STXBP2: variants seen among roughly 807,000 people sequenced by gnomAD.
STXBP2 encodes the protein syntaxin binding protein 2.
Under a neutral mutation model 72.2 loss-of-function variants are expected in STXBP2, and 47 were observed. The ratio of observed to expected loss-of-function variants is 0.65; its 90% CI spans 0.51 to 0.83. The LOEUF is 0.83. Ranked by LOEUF, STXBP2 falls within the 40% of genes least tolerant of loss-of-function variation. STXBP2 has a pLI of 0.00. For synonymous variants in STXBP2, 367 were observed against 338.7 expected (o/e 1.08, Z -0.92); for missense variants, 702 against 807.6 (o/e 0.87, Z 1.58).
At chr19:7,633,456 A>G (rs746447594), upstream of STXBP2, 8 of 1,575,498 alleles carry the variant, frequency 5.1e-6, no homozygotes, top group Middle Eastern at 1.7e-4. Context: ...CTGATCCATC[A>G]TGTCCCTGGA....
chr19:7,633,117 C>CACACTCATCAGGCCCCAA, upstream of STXBP2: 1 of 998,642 alleles, frequency 1.0e-6, no homozygotes, highest in Non-Finnish European at 1.4e-6. Context: ...AGATTGGGGC[C>CACACTCATCAGGCCCCAA]TGATGAGTGT....
In STXBP2 at chr19:7,642,547, A is replaced by C. The variant is rs1033477720; in HGVS notation, c.902+11A>C. The C allele has an allele frequency of 3.7e-6, 6 of 1,612,958 alleles. No homozygotes were observed. The highest frequency in any genetic ancestry group is 5.1e-6 in the Non-Finnish European group (6 of 1,179,450). On this transcript the variant is annotated intron_variant, in intron 10 of 18. Transcript: ENST00000221283. This position sits in a 1 kb window ranked among gnomAD's most constrained non-coding sequence, Gnocchi z 6.0. ...CGCAGATGTGTCCAAGTGCGTGCAC[A>C]CGGGGACCGGATCCCCCCCCCACCG...
the STXBP2 span, chr19:7,631,739 G>GC: frequency 2.8e-6 from 4 of 1,448,012 alleles, no homozygotes; most frequent in Non-Finnish European, 3.6e-6. Flanking sequence ...CGGAAGCCGA[G>GC]AGCGGTCGGG....
Position 7,640,933 on chromosome 19 carries a change from G to A in STXBP2, c.359G>A (p.Arg120His), listed in dbSNP as rs777213175. The A allele has an allele frequency of 1.8e-5, 29 of 1,614,098 alleles. No homozygotes were observed. The highest frequency in any genetic ancestry group is 2.7e-5 in the African/African-American group (2 of 74,930). ...GAGCCCCTGTTCAGTGAGCTAGGCC[G>A]CTCTCGTCTGGCAAAGGTGGTGAAG... ...CPEPLFSELGRSRLAKVVKTL... is the reference protein window; with the variant it reads ...CPEPLFSELGHSRLAKVVKTL... The change falls in exon 6 of 19, where the codon CGC becomes CAC. Residue 120 changes from arginine (R) to histidine (H), a missense_variant. Physicochemically the swap from Arg to His is conservative, Grantham distance 29. Coordinates refer to ENST00000221283, the MANE Select transcript of STXBP2 (RefSeq NM_006949.4).
intron 13 of STXBP2, among the ~76,000 whole-genome samples, chr19:7,643,937 A>G (rs1354375965): frequency 2.0e-5 from 2 of 100,294 alleles, no homozygotes; most frequent in African/African-American, 3.9e-5. Flanking sequence ...GCTGGGAGAC[A>G]GGTAGAGCCA....
Position 7,640,470 on chromosome 19 carries a change from G to A in STXBP2, c.247-261G>A, listed in dbSNP as rs550101911. ...TGTGTATGTATGTGTGTGCATCTCT[G>A]TGTGTGCATGTGTGTATGTGTGTGT... On this transcript the variant is annotated intron_variant, in intron 4 of 18. Transcript: ENST00000221283. The A allele has an allele frequency of 2.2e-3, 1,492 of 671,838 alleles. 18 individuals carry two copies. In the African/African-American group the frequency reaches 0.023, roughly 10 times the overall value. The allele number at this position is 671,838 out of a possible 1,614,324, so 41.6% of individuals were successfully genotyped here.
chr19:7,646,474 A>G (rs1040165585), intron 16 of STXBP2, 130 bp downstream of exon 16: 1 of 913,116 alleles, frequency 1.1e-6, no homozygotes, highest in Non-Finnish European at 1.8e-6. Flanking sequence ...CTTGGCACCG[A>G]TCTGCTCTGC....
intron 4 of STXBP2, chr19:7,640,174 GTC>G (rs745477737): frequency 5.2e-5 from 24 of 463,092 alleles, no homozygotes; most frequent in Admixed American, 3.1e-4. Context: ...GTGTGTGTGC[GTC>G]TGTCTGTGTG....
At chr19:7,633,452 C>G (rs373675799), upstream of STXBP2, 11 of 1,576,238 alleles carry the variant, frequency 7.0e-6, no homozygotes, top group African/African-American at 1.3e-4. Context: ...CCTCCTGATC[C>G]ATCATGTCCC....
chr19:7,632,316 C>T, upstream of STXBP2: 1 of 1,586,726 alleles, frequency 6.3e-7, no homozygotes, highest in Non-Finnish European at 8.6e-7. The surrounding 1 kb of genome is among the most constrained non-coding windows in gnomAD (Gnocchi z 5.2). Flanking sequence ...CCTGTTCCCT[C>T]CTGGCTGGGG....
At chr19:7,635,450 T>G (rs2031489666), upstream of STXBP2, among the ~76,000 whole-genome samples, 1 of 152,200 alleles carries the variant, frequency 6.6e-6, no homozygotes, top group African/African-American at 2.4e-5. Context: ...ATCCTAACAC[T>G]TTGGGAGGCC....
At chr19:7,632,803 A>G, upstream of STXBP2, 1 of 1,560,800 alleles carries the variant, frequency 6.4e-7, no homozygotes, top group African/African-American at 1.4e-5. This position sits in a 1 kb window ranked among gnomAD's most constrained non-coding sequence, Gnocchi z 5.2. Context: ...AGCAGATTGA[A>G]GAAGCCCTCC....
rs774038800 is a variant in STXBP2, at chr19:7,642,329, T to C, written c.790T>C (p.Tyr264His). 10 of 1,613,814 alleles carry C rather than the reference T, an allele frequency of 6.2e-6. No individual in the cohort carries two copies. The South Asian group carries it at 1.1e-4, about 18-fold the overall frequency. ...TCTGCTGGACATAGAGCAGGACACA[T>C]ACAGGTCTGCAGACTTGGAACCCGT... ...YDLLDIEQDT[Y>H]RYETTGLSEA... The change falls in exon 9 of 19, where the codon TAC becomes CAC. Residue 264 changes from tyrosine to histidine, a missense_variant. Tyr to His is a moderately conservative substitution (Grantham distance 83, BLOSUM62 2). Transcript: ENST00000221283. The surrounding 1 kb of genome is among the most constrained non-coding windows in gnomAD (Gnocchi z 6.0).
In STXBP2 at chr19:7,642,492, CTT is replaced by C; in HGVS notation, c.859_860del (p.Leu287ValfsTer25). 6.2e-7 allele frequency: 1 copy of C among 1,614,086 alleles called. No homozygotes were observed. Among genetic ancestry groups the C allele is most frequent in the Non-Finnish European group, 8.5e-7 (1 of 1,180,026 alleles). Reference sequence around the variant, plus strand: ...CCGTCTTGCTGGACGAGGACGATGACTTGTGGGTGGAGCTTCGCCACATGCAT... The same window carrying C: ...CCGTCTTGCTGGACGAGGACGATGACGTGGGTGGAGCTTCGCCACATGCAT... ...KAVLLDEDDD[L>X]WVELRHMHIA... On this transcript the variant is annotated frameshift_variant, in exon 10 of 19. Transcript: ENST00000221283. LOFTEE classifies it high-confidence loss of function. The surrounding 1 kb of genome is among the most constrained non-coding windows in gnomAD (Gnocchi z 6.0).
Position 7,643,183 on chromosome 19 carries a change from C to G in STXBP2, c.1045C>G (p.Leu349Val). ...ELNKYSTHLH[L>V]ADDCMKHFKG... ...CCTGCAGTATTCTACGCACCTGCAT[C>G]TAGCAGATGATTGTATGAAGCACTT... is the stretch of plus-strand genomic sequence containing the variant. Residue 349 changes from leucine (L) to valine (V), a missense_variant, in exon 13 of 19, where the codon CTA (leucine) becomes GTA (valine). Coordinates refer to ENST00000221283, the MANE Select transcript of STXBP2 (RefSeq NM_006949.4). 5.0e-6 allele frequency: 8 copies of G among 1,614,166 alleles called. No individual in the cohort carries two copies. Among genetic ancestry groups the G allele is most frequent in the Non-Finnish European group, 6.8e-6 (8 of 1,180,038 alleles).
Position 7,641,871 on chromosome 19 carries a change from C to T in STXBP2, c.578+18C>T. 6.5e-7 allele frequency: 1 copy of T among 1,550,034 alleles called. No homozygotes were observed. The highest frequency in any genetic ancestry group is 8.7e-7 in the Non-Finnish European group (1 of 1,148,010). ...TACCGCAAGTGGGGACCCCACCCAG[C>T]CCCACCCCGATGCCGACCCCCCCTT... On this transcript the variant is annotated intron_variant, in intron 7 of 18. Transcript: ENST00000221283.
chr19:7,640,655 G>A, intron 4 of STXBP2, 76 bp from the exon 5 acceptor site: 1 of 1,576,342 alleles, frequency 6.3e-7, no homozygotes, highest in Non-Finnish European at 8.7e-7. Context: ...GCAGATGGGG[G>A]GTGGCTGGGA....
chr19:7,632,311 T>G, upstream of STXBP2: 1 of 1,573,080 alleles, frequency 6.4e-7, no homozygotes, highest in South Asian at 1.2e-5. This position sits in a 1 kb window ranked among gnomAD's most constrained non-coding sequence, Gnocchi z 5.2. Context: ...CAGGCCCTGT[T>G]CCCTCCTGGC....
chr19:7,633,647 G>C, upstream of STXBP2: 1 of 622,372 alleles, frequency 1.6e-6, no homozygotes, highest in Middle Eastern at 4.4e-4. Context: ...CCACAACGAT[G>C]CTGGATCTGG....
Sources: allele counts gnomAD v4.1 joint callset (sites outside exome capture counted in the v4.1 genomes callset), GRCh38; gene constraint gnomAD v4.1.1; non-coding constraint Gnocchi (gnomAD v3.1); transcripts MANE v1.5; gene names NCBI Gene and HGNC (gene_info 2026-07-23, HGNC 2026-07-21).